Variants in ANKRD17 observed in about 807,000 individuals in gnomAD.
ANKRD17 encodes ankyrin repeat domain 17.
In ANKRD17, 19 loss-of-function variants were observed where a neutral mutation model predicts 229.7. That is an observed-to-expected ratio of 0.08 (90% CI 0.06 to 0.12). ANKRD17 has a LOEUF of 0.12. ANKRD17 is among the 10% of genes least tolerant of loss of function. The pLI is 1.00. For missense variants in ANKRD17, 2,176 were observed against 3,176.8 expected (o/e 0.68, Z 7.57); for synonymous variants, 1,112 against 1,146.1 (o/e 0.97, Z 0.60).
At chr4:73,199,739 G>A (rs575524431) in intron 1 of ANKRD17, among the ~76,000 whole-genome samples, 10 of 152,186 alleles carry the variant, frequency 6.6e-5, no homozygotes, top group African/African-American at 1.9e-4. Flanking sequence ...TCTTTCCAAC[G>A]ACAACGAAAG....
intron 24 of ANKRD17, among the ~76,000 whole-genome samples, chr4:73,109,858 G>A (rs1023608600): frequency 9.2e-5 from 14 of 151,786 alleles, no homozygotes; most frequent in African/African-American, 7.3e-5. Flanking sequence ...TTTATTGGTC[G>A]GTGGTGTTGG....
rs77895557 is a variant in ANKRD17, at chr4:73,232,685, T to C, written c.393+25591A>G. ...CATATTTACTTCATAAAGAGCAGTATTAAACAACTAGGTAGAGGCCACCAC... is the reference window on the plus strand; with the variant it reads ...CATATTTACTTCATAAAGAGCAGTACTAAACAACTAGGTAGAGGCCACCAC... On this transcript the variant is annotated intron_variant, in intron 1 of 33. Transcript: ENST00000358602. 1.4e-3 allele frequency among the ~76,000 whole-genome samples: 208 copies of C among 152,246 alleles called. 5 individuals are homozygous for C. In the East Asian group the frequency reaches 0.039, roughly 28 times the overall value.
chr4:73,127,301 T>C (rs1727601903), intron 16 of ANKRD17, among the ~76,000 whole-genome samples: 1 of 152,198 alleles, frequency 6.6e-6, no homozygotes, highest in Non-Finnish European at 1.5e-5. Flanking sequence ...TAGTATGAAA[T>C]AAAAATGTAA....
chr4:73,168,190 A>T (rs992485851), intron 2 of ANKRD17, among the ~76,000 whole-genome samples: 45 of 152,264 alleles, frequency 3.0e-4, no homozygotes, highest in Non-Finnish European at 5.1e-4. Flanking sequence ...GTATTACAAG[A>T]TGTTTACTGA....
At chr4:73,215,019 C>A (rs1740821660) in intron 1 of ANKRD17, among the ~76,000 whole-genome samples, 1 of 152,064 alleles carries the variant, frequency 6.6e-6, no homozygotes, top group South Asian at 2.1e-4. Context: ...TGGTAGCCAA[C>A]TTTTTTTCAT....
At chr4:73,212,870 A>C (rs886919703) in intron 1 of ANKRD17, among the ~76,000 whole-genome samples, 2 of 151,510 alleles carry the variant, frequency 1.3e-5, no homozygotes, top group Non-Finnish European at 2.9e-5. Flanking sequence ...ATACAAAAAA[A>C]AAAAAAATTA....
At chr4:73,122,572 T>C (rs1046987062) in intron 18 of ANKRD17, among the ~76,000 whole-genome samples, 22 of 152,178 alleles carry the variant, frequency 1.4e-4, no homozygotes, top group African/African-American at 5.1e-4. Flanking sequence ...ATATTCATTC[T>C]CATTTTATAA....
chr4:73,153,333 T>G (rs1436509743), intron 6 of ANKRD17, among the ~76,000 whole-genome samples: 2 of 152,118 alleles, frequency 1.3e-5, no homozygotes, highest in Admixed American at 6.6e-5. Context: ...AATAAAAAAT[T>G]TTCTTAATTT....
intron 1 of ANKRD17, among the ~76,000 whole-genome samples, chr4:73,186,014 T>C (rs1410440000): frequency 1.3e-5 from 2 of 152,008 alleles, no homozygotes; most frequent in Non-Finnish European, 2.9e-5. Flanking sequence ...TGGAAAAATA[T>C]GGCTATCTGC....
intron 1 of ANKRD17, among the ~76,000 whole-genome samples, chr4:73,196,891 T>C (rs1737957086): frequency 6.6e-6 from 1 of 152,238 alleles, no homozygotes. Context: ...GGAATTGGAA[T>C]ACTTAAGAAA....
intron 25 of ANKRD17, among the ~76,000 whole-genome samples, chr4:73,099,478 T>C (rs1723700241): frequency 1.3e-5 from 2 of 152,160 alleles, no homozygotes; most frequent in Non-Finnish European, 2.9e-5. Flanking sequence ...ACTCCCTTAG[T>C]AGTAGCAACA....
intron 1 of ANKRD17, among the ~76,000 whole-genome samples, chr4:73,247,572 GCACT>G (rs1375894149): frequency 6.6e-6 from 1 of 151,312 alleles, no homozygotes; most frequent in Non-Finnish European, 1.5e-5. Context: ...ACACACACAC[GCACT>G]CAGTCTCAAG....
At chr4:73,147,744 A>C (rs1730475579) in intron 8 of ANKRD17, among the ~76,000 whole-genome samples, 1 of 152,092 alleles carries the variant, frequency 6.6e-6, no homozygotes, top group South Asian at 2.1e-4. Context: ...AAAATGATAA[A>C]GATACTGGTG....
At chr4:73,213,757 T>C (rs1427336119) in intron 1 of ANKRD17, among the ~76,000 whole-genome samples, 1 of 152,186 alleles carries the variant, frequency 6.6e-6, no homozygotes, top group Non-Finnish European at 1.5e-5. Context: ...ATTTTACCTC[T>C]ATATGAAGAA....
At chr4:73,118,880 CTTTTTTTTTTTTTTT>C (rs751549226) in intron 21 of ANKRD17, 30 bp from the exon 22 acceptor site, 11 of 804,702 alleles carry the variant, frequency 1.4e-5, no homozygotes, top group Non-Finnish European at 1.8e-5. Flanking sequence ...ATAGCATTGT[CTTTTTTTTTTTTTTT>C]TTTTTTTTTG....
chr4:73,191,766 A>T (rs1259020132), intron 1 of ANKRD17, among the ~76,000 whole-genome samples: 1 of 152,074 alleles, frequency 6.6e-6, no homozygotes, highest in Non-Finnish European at 1.5e-5. Context: ...ATCAGGCAAT[A>T]TAAATTAAAA....
intron 25 of ANKRD17, chr4:73,101,321 A>C: frequency 1.5e-6 from 1 of 665,350 alleles, no homozygotes; most frequent in African/African-American, 2.0e-5. Context: ...AATACCTAAA[A>C]TGGTATTATG....
rs772951858 is a variant in ANKRD17 at position 73,194,618 on chromosome 4, C to CG, written c.394-17086dup. On this transcript the variant is annotated intron_variant, in intron 1 of 33. Transcript: ENST00000358602. ...GGGATTGCATTGATACTCTTGTTTT[C>CG]GGGGGAATTTACATTTAACAGTATT... 1.3e-4 allele frequency among the ~76,000 whole-genome samples: 20 copies of CG among 151,912 alleles called. No homozygotes were observed. In the South Asian group the frequency reaches 2.1e-3, roughly 16 times the overall value.
Position 73,149,195 on chromosome 4 carries a change from A to G in ANKRD17, c.1330-145T>C, listed in dbSNP as rs930116392. The stretch of plus-strand genomic sequence containing the variant: ...GCTACATTTAACAGTTGAGTAAATC[A>G]GTATTTATTATGCACTGCCTATATT... On this transcript the variant is annotated intron_variant, in intron 7 of 33. Transcript: ENST00000358602. 10 of 658,346 alleles carry G rather than the reference A, an allele frequency of 1.5e-5. No homozygotes were observed. The African/African-American group carries it at 1.8e-4, about 12-fold the overall frequency. 40.8% of individuals were successfully genotyped at this position (658,346 alleles called of 1,614,324 possible).
Sources: gnomAD v4.1 joint callset for allele counts (sites outside exome capture counted in the v4.1 genomes callset) on GRCh38, gnomAD v4.1.1 for gene constraint, MANE v1.5 for transcripts, NCBI Gene and HGNC (gene_info 2026-07-23, HGNC 2026-07-21) for gene names.